The following PALS1 variants were observed in gnomAD, a reference collection of about 807,000 sequenced individuals.
PALS1 encodes the protein protein PALS1.
In PALS1, 31 loss-of-function variants were observed where a neutral mutation model predicts 78.9. The ratio of observed to expected loss-of-function variants is 0.39; its 90% confidence interval spans 0.30 to 0.53. The LOEUF is 0.53. PALS1 is among the 20% of genes least tolerant of loss of function. PALS1 has a pLI of 0.67. For missense variants in PALS1, 704 were observed against 826.5 expected (o/e 0.85, Z 1.82); for synonymous variants, 276 against 270.9 (o/e 1.02, Z -0.18).
chr14:67,259,414 C>T (rs2084197355), intron 1 of PALS1, among the ~76,000 whole-genome samples: 1 of 151,722 alleles, frequency 6.6e-6, no homozygotes, highest in Non-Finnish European at 1.5e-5. Context: ...ACTTTGAGAC[C>T]AGCCTGGCCA....
At chr14:67,296,670 T>C (rs1292514906) in intron 4 of PALS1, among the ~76,000 whole-genome samples, 1 of 151,854 alleles carries the variant, frequency 6.6e-6, no homozygotes, top group Non-Finnish European at 1.5e-5. Flanking sequence ...TATGATGGAT[T>C]ACTTTGGTAA....
At chr14:67,280,937 C>G (rs967579599) in intron 3 of PALS1, among the ~76,000 whole-genome samples, 1 of 147,376 alleles carries the variant, frequency 6.8e-6, no homozygotes, top group African/African-American at 2.5e-5. Flanking sequence ...TGCTCTGTTG[C>G]CCAGGCTGGA....
At position 67,319,601 on chromosome 14, in the gene PALS1, C is replaced by A. The variant is rs1450739515; in HGVS notation, c.1370-629C>A. Among the ~76,000 whole-genome samples, 4 of 140,034 alleles carry A rather than the reference C, an allele frequency of 2.9e-5. No individual in the cohort carries two copies. The South Asian group carries it at 8.9e-4, about 31-fold the overall frequency. 91.9% of individuals were successfully genotyped at this position (140,034 alleles called of 152,430 possible). A position where few individuals can be genotyped will look rare whatever the true frequency, so the allele number is the denominator to read the frequency against. On this transcript the variant is annotated intron_variant, in intron 11 of 14. Transcript: ENST00000261681. ...AAAATACACTTAACACTAGAGATAGCTGATGAGCTAAAAAAAAAAAAAAAA... is the reference window on the plus strand; with the variant it reads ...AAAATACACTTAACACTAGAGATAGATGATGAGCTAAAAAAAAAAAAAAAA...
chr14:67,323,232 C>CATGTGTGTATGTGTGTGT (rs57594216), intron 13 of PALS1, among the ~76,000 whole-genome samples: 1,452 of 143,600 alleles, frequency 0.01, 14 homozygotes, highest in Non-Finnish European at 0.015. Context: ...CATATATACA[C>CATGTGTGTATGTGTGTGT]GTGTGTGTGT....
intron 1 of PALS1, 163 bp downstream of exon 1, chr14:67,241,696 G>C (rs1463617218): frequency 6.6e-6 from 1 of 152,346 alleles, no homozygotes; most frequent in East Asian, 1.9e-4. Context: ...TTCCTCAGGC[G>C]CGCGAGCTGC....
Position 67,336,043 on chromosome 14 carries a change from A to AAAGAT in PALS1, c.*3088_*3092dup, listed in dbSNP as rs1171604485. 6.6e-6 allele frequency: 1 copy of AAAGAT among 152,292 alleles called. No homozygotes were observed. Among genetic ancestry groups the AAAGAT allele is most frequent in the Non-Finnish European group, 1.5e-5 (1 of 68,082 alleles). The allele number at this position is 152,292 out of a possible 1,614,324, so 9.4% of individuals were successfully genotyped here. ...ATTAAAACCAACAACTAAGTGTATTAAAGATGGACAACGCAAGGCTGTGAA... is the reference window on the plus strand; with the variant it reads ...ATTAAAACCAACAACTAAGTGTATTAAAGATAAGATGGACAACGCAAGGCTGTGAA... On this transcript the variant is annotated 3_prime_UTR_variant, in exon 15 of 15. Coordinates refer to ENST00000261681, the MANE Select transcript of PALS1 (RefSeq NM_022474.4).
At chr14:67,291,665 A>G (rs2084776179) in intron 3 of PALS1, among the ~76,000 whole-genome samples, 1 of 152,326 alleles carries the variant, frequency 6.6e-6, no homozygotes, top group South Asian at 2.1e-4. Context: ...GGCAGACACA[A>G]TGCACATACA....
intron 8 of PALS1, among the ~76,000 whole-genome samples, chr14:67,307,151 TG>T (rs2085017065): frequency 1.3e-5 from 2 of 152,314 alleles, no homozygotes; most frequent in Non-Finnish European, 2.9e-5. Flanking sequence ...GCAAGAGTCT[TG>T]GCACCTCTGT....
At chr14:67,324,523 T>C (rs1356750979) in intron 14 of PALS1, among the ~76,000 whole-genome samples, 1 of 152,184 alleles carries the variant, frequency 6.6e-6, no homozygotes, top group Non-Finnish European at 1.5e-5. Flanking sequence ...TCCTTAAAGA[T>C]AGTCATTAAA....
intron 1 of PALS1, among the ~76,000 whole-genome samples, chr14:67,268,860 C>G (rs1316553986): frequency 6.6e-6 from 1 of 152,150 alleles, no homozygotes; most frequent in Non-Finnish European, 1.5e-5. Flanking sequence ...CTTATTTTAC[C>G]CAGCCCCTAT....
chr14:67,317,257 G>A, intron 10 of PALS1, 151 bp from the exon 11 acceptor site: 1 of 638,582 alleles, frequency 1.6e-6, no homozygotes, highest in Non-Finnish European at 2.6e-6. Flanking sequence ...GAGGCCAGGA[G>A]TTCAAGACAA....
chr14:67,327,446 T>C (rs1434711114), intron 14 of PALS1, among the ~76,000 whole-genome samples: 1 of 151,996 alleles, frequency 6.6e-6, no homozygotes, highest in Non-Finnish European at 1.5e-5. Flanking sequence ...TTTTTTTTTT[T>C]CCGGGGTGTG....
chr14:67,307,725 T>G (rs2085025098), intron 8 of PALS1, among the ~76,000 whole-genome samples: 1 of 152,184 alleles, frequency 6.6e-6, no homozygotes, highest in Non-Finnish European at 1.5e-5. Context: ...CTATTTTCTC[T>G]TCTACAATGA....
At chr14:67,258,022 C>T (rs1203159876) in intron 1 of PALS1, among the ~76,000 whole-genome samples, 4 of 151,704 alleles carry the variant, frequency 2.6e-5, no homozygotes, top group African/African-American at 9.7e-5. Context: ...AATCTCTCTC[C>T]TCTTGAGTTA....
chr14:67,308,170 A>G (rs1409477040), intron 8 of PALS1, among the ~76,000 whole-genome samples: 2 of 151,944 alleles, frequency 1.3e-5, no homozygotes, highest in Admixed American at 6.6e-5. Context: ...CTGTACAACA[A>G]ACCCCCAACA....
chr14:67,306,117 A>G (rs769753249), intron 8 of PALS1, among the ~76,000 whole-genome samples: 12 of 152,096 alleles, frequency 7.9e-5, no homozygotes, highest in African/African-American at 2.4e-4. Context: ...CTACAAGTGC[A>G]TGCCACCACA....
At chr14:67,277,040 C>G (rs149349491) in intron 2 of PALS1, among the ~76,000 whole-genome samples, 28 of 152,218 alleles carry the variant, frequency 1.8e-4, no homozygotes, top group African/African-American at 6.0e-4. Context: ...TAAATCCACT[C>G]CTGGATTTTT....
intron 3 of PALS1, among the ~76,000 whole-genome samples, chr14:67,283,056 A>G (rs1223067094): frequency 6.6e-6 from 1 of 152,084 alleles, no homozygotes; most frequent in African/African-American, 2.4e-5. Context: ...GGGAACATAC[A>G]CACCCATATA....
intron 8 of PALS1, among the ~76,000 whole-genome samples, chr14:67,304,557 G>A (rs897152828): frequency 6.6e-6 from 1 of 152,162 alleles, no homozygotes; most frequent in African/African-American, 2.4e-5. Flanking sequence ...CCATATATTG[G>A]TTCATTTATA....
Sources: gnomAD v4.1 joint callset for allele counts (sites outside exome capture counted in the v4.1 genomes callset) on GRCh38, gnomAD v4.1.1 for gene constraint, MANE v1.5 for transcripts, NCBI Gene and HGNC (gene_info 2026-07-23, HGNC 2026-07-21) for gene names.